Variants in ERBB4 observed in about 807,000 individuals in gnomAD.
The protein encoded by ERBB4 is erb-b2 receptor tyrosine kinase 4, also known as receptor tyrosine-protein kinase erbB-4.
A neutral mutation model predicts 158.0 loss-of-function variants in ERBB4; 42 were observed. The observed-to-expected ratio is 0.27, with a 90% CI of 0.21 to 0.34. The LOEUF is 0.34. ERBB4 is among the 10% of genes least tolerant of loss of function. The pLI is 1.00. For synonymous variants in ERBB4, 583 were observed against 558.7 expected (o/e 1.04, Z -0.61); for missense variants, 1,333 against 1,624.1 (o/e 0.82, Z 3.08).
At chr2:211,709,491 C>A (rs922220618) in intron 9 of ERBB4, among the ~76,000 whole-genome samples, 4 of 151,766 alleles carry the variant, frequency 2.6e-5, no homozygotes, top group Non-Finnish European at 5.9e-5. Flanking sequence ...TGGTGGTTTG[C>A]AATCTTTCTA....
At chr2:212,320,379 G>T (rs1416339364) in intron 1 of ERBB4, among the ~76,000 whole-genome samples, 1 of 148,286 alleles carries the variant, frequency 6.7e-6, no homozygotes, top group East Asian at 2.0e-4. Flanking sequence ...AAAGCATTTA[G>T]AGAAAATGTA....
intron 1 of ERBB4, among the ~76,000 whole-genome samples, chr2:212,345,429 C>T (rs1417963877): frequency 6.6e-6 from 1 of 151,936 alleles, no homozygotes; most frequent in African/African-American, 2.4e-5. Flanking sequence ...TGTCTGGAGA[C>T]ATACTTGGCT....
intron 1 of ERBB4, among the ~76,000 whole-genome samples, chr2:212,392,458 G>A (rs972478566): frequency 1.3e-5 from 2 of 152,070 alleles, no homozygotes; most frequent in Non-Finnish European, 2.9e-5. Context: ...GGAATTGTAT[G>A]TCTTAACTCA....
chr2:211,886,540 T>C (rs1412964692), intron 3 of ERBB4, among the ~76,000 whole-genome samples: 1 of 152,108 alleles, frequency 6.6e-6, no homozygotes, highest in Admixed American at 6.5e-5. Flanking sequence ...GCCCACTGAC[T>C]ATATAAAGAG....
chr2:211,767,038 G>A (rs1425237815), intron 4 of ERBB4, among the ~76,000 whole-genome samples: 1 of 152,124 alleles, frequency 6.6e-6, no homozygotes, highest in East Asian at 1.9e-4. Flanking sequence ...GTAACCAATG[G>A]GAAACCTCTC....
intron 1 of ERBB4, among the ~76,000 whole-genome samples, chr2:212,196,731 A>G (rs1407574762): frequency 6.6e-6 from 1 of 152,160 alleles, no homozygotes; most frequent in East Asian, 1.9e-4. Context: ...TATACCTTAA[A>G]TGAAATAGTA....
chr2:211,593,029 G>A (rs1553582014), intron 19 of ERBB4, among the ~76,000 whole-genome samples: 1 of 135,314 alleles, frequency 7.4e-6, no homozygotes, highest in African/African-American at 2.7e-5. Context: ...AAAAAAGAAG[G>A]GCCCTTCTGC....
chr2:211,702,400 A>G (rs1441793286), intron 11 of ERBB4, among the ~76,000 whole-genome samples: 1 of 152,068 alleles, frequency 6.6e-6, no homozygotes, highest in East Asian at 1.9e-4. Flanking sequence ...GTGTATCTCT[A>G]TTTCTGTGTA....
At chr2:212,413,134 A>ATTTTTTTTTTTTTT (rs370397826) in intron 1 of ERBB4, among the ~76,000 whole-genome samples, 58 of 101,218 alleles carry the variant, frequency 5.7e-4, no homozygotes, top group East Asian at 8.0e-4. Context: ...TGCGTGGCTA[A>ATTTTTTTTTTTTTT]TTTTTTTTTT....
intron 1 of ERBB4, among the ~76,000 whole-genome samples, chr2:212,307,316 A>C (rs1013234751): frequency 6.6e-6 from 1 of 151,146 alleles, no homozygotes; most frequent in African/African-American, 2.4e-5. Flanking sequence ...CCTCTGACTA[A>C]ATACAAATAT....
rs867666999 is a variant in ERBB4, at chr2:211,830,005, C to T, written c.422-41846G>A. Among the ~76,000 whole-genome samples the T allele has an allele frequency of 1.2e-4, 19 of 152,246 alleles. 1 individual carries two copies. The highest frequency in any genetic ancestry group is 3.4e-3 in the Middle Eastern group (1 of 294). ...CCATCCCCCTGGGTAGTTTTCTCAT[C>T]CATCAAGGCTCAGCAAAAGTTTCAC... is the stretch of plus-strand genomic sequence containing the variant. On this transcript the variant is annotated intron_variant, in intron 3 of 27. Coordinates refer to ENST00000342788, the MANE Select transcript of ERBB4 (RefSeq NM_005235.3).
chr2:211,772,850 TATATATATATATATATATACAC>T (rs2075737818), intron 4 of ERBB4, among the ~76,000 whole-genome samples: 1 of 67,522 alleles, frequency 1.5e-5, no homozygotes, highest in Admixed American at 1.6e-4. Context: ...TATATATATA[TATATATATATATATATATACAC>T]ATATATATAT....
chr2:212,157,609 A>C (rs554072395), intron 1 of ERBB4, among the ~76,000 whole-genome samples: 1 of 152,186 alleles, frequency 6.6e-6, no homozygotes, highest in Admixed American at 6.6e-5. Context: ...TCTGTATCTG[A>C]TGTCTATCTA....
rs911801816 is a variant in ERBB4 at position 211,468,972 on chromosome 2, T to C, written c.2488-37872A>G. On this transcript the variant is annotated intron_variant, in intron 20 of 27. Transcript: ENST00000342788. ...AGAGTCCTGTGTTTCATGTACAGCA[T>C]TGTCAAGTTGTCTGGTAGAGATGAG... 4.0e-5 allele frequency among the ~76,000 whole-genome samples: 6 copies of C among 149,040 alleles called. No homozygotes were observed. The East Asian group carries it at 7.9e-4, about 20-fold the overall frequency.
Position 212,149,131 on chromosome 2 carries a change from A to G in ERBB4, c.83-24228T>C, listed in dbSNP as rs1329800576. Among the ~76,000 whole-genome samples the G allele has an allele frequency of 2.7e-5, 4 of 149,890 alleles. No individual in the cohort carries two copies. In the East Asian group the frequency reaches 7.8e-4, roughly 29 times the overall value. ...GTATACATATGTAACTAACCTGCACAATGTGCACATGTACCCTAAAACTTA... is the reference window on the plus strand; with the variant it reads ...GTATACATATGTAACTAACCTGCACGATGTGCACATGTACCCTAAAACTTA... On this transcript the variant is annotated intron_variant, in intron 1 of 27. Transcript: ENST00000342788.
In ERBB4 at chr2:211,673,389, A is replaced by G. The variant is rs2105939691; in HGVS notation, c.1623-132T>C. ...TGTTTCTCTATGTGCCAGGAGCATCAGAAACATTAAGTTTTCCATTAGGAG... is the reference window on the plus strand; with the variant it reads ...TGTTTCTCTATGTGCCAGGAGCATCGGAAACATTAAGTTTTCCATTAGGAG... On this transcript the variant is annotated intron_variant, in intron 13 of 27. Coordinates refer to ENST00000342788, the MANE Select transcript of ERBB4 (RefSeq NM_005235.3). 1.4e-5 allele frequency: 10 copies of G among 709,602 alleles called. No individual in the cohort carries two copies. The South Asian group carries it at 1.5e-4, about 11-fold the overall frequency. 44.0% of individuals were successfully genotyped at this position (709,602 alleles called of 1,614,324 possible). A position where few individuals can be genotyped will look rare whatever the true frequency, so the allele number is the denominator to read the frequency against.
At chr2:211,561,728 G>T in intron 20 of ERBB4, 175 bp downstream of exon 20, 1 of 635,078 alleles carries the variant, frequency 1.6e-6, no homozygotes. Context: ...TATATATCAC[G>T]CATTTAATCT....
At chr2:211,594,778 GT>G (rs1559332647) in intron 19 of ERBB4, among the ~76,000 whole-genome samples, 1 of 152,158 alleles carries the variant, frequency 6.6e-6, no homozygotes, top group African/African-American at 2.4e-5. Flanking sequence ...GACAATTTAG[GT>G]AAAGGGTCTT....
intron 1 of ERBB4, among the ~76,000 whole-genome samples, chr2:212,178,070 T>C (rs1268311725): frequency 6.6e-6 from 1 of 151,472 alleles, no homozygotes; most frequent in African/African-American, 2.4e-5. Flanking sequence ...AATGGAACAG[T>C]CCAGAGAAGG....
Sources: gnomAD v4.1 joint callset for allele counts (sites outside exome capture counted in the v4.1 genomes callset) on GRCh38, gnomAD v4.1.1 for gene constraint, MANE v1.5 for transcripts, NCBI Gene and HGNC (gene_info 2026-07-23, HGNC 2026-07-21) for gene names.